The following GAK variants were observed in gnomAD, a reference collection of about 807,000 sequenced individuals.
The protein encoded by GAK is cyclin-G-associated kinase.
A neutral mutation model predicts 143.9 loss-of-function variants in GAK; 79 were observed. The observed-to-expected ratio is 0.55, with a 90% CI of 0.46 to 0.66. The LOEUF (loss-of-function observed/expected upper bound fraction) is 0.66. Among genes scored for constraint, GAK ranks in the 30% least tolerant of loss-of-function variants. GAK has a pLI of 0.00. For missense variants in GAK, 1,693 were observed against 1,779.7 expected (o/e 0.95, Z 0.88); for synonymous variants, 881 against 765.5 (o/e 1.15, Z -2.49).
chr4:928,351 C>G (rs1448573768), intron 1 of GAK, among the ~76,000 whole-genome samples: 1 of 152,230 alleles, frequency 6.6e-6, no homozygotes, highest in Non-Finnish European at 1.5e-5. Context: ...AGCCGTCGTG[C>G]CCGGCCCGGT....
chr4:932,239 C>T lies in GAK; in HGVS notation c.-52G>A, dbSNP rs372789649. The T allele has an allele frequency of 6.8e-7, 1 of 1,473,602 alleles. No homozygotes were observed. The highest frequency in any genetic ancestry group is 2.8e-5 in the East Asian group (1 of 35,918). The allele number at this position is 1,473,602 out of a possible 1,614,324, so 91.3% of individuals were successfully genotyped here. A position where few individuals can be genotyped will look rare whatever the true frequency, so the allele number is the denominator to read the frequency against. ...CAGCCGGAGTGGTCGGGCTCGGGCT[C>T]CCGCTCCCTCGCCGTCCGGGTCAGC... On this transcript the variant is annotated 5_prime_UTR_variant, in exon 1 of 28. Coordinates refer to ENST00000314167, the MANE Select transcript of GAK (RefSeq NM_005255.4). This position sits in a 1 kb window ranked among gnomAD's most constrained non-coding sequence, Gnocchi z 4.0.
intron 1 of GAK, among the ~76,000 whole-genome samples, chr4:921,964 T>A (rs1055105866): frequency 6.6e-6 from 1 of 152,112 alleles, no homozygotes; most frequent in Non-Finnish European, 1.5e-5. Flanking sequence ...CAAGGAGGTA[T>A]CGCTACACAT....
chr4:913,494 G>A, intron 2 of GAK, 113 bp downstream of exon 2: 4 of 832,138 alleles, frequency 4.8e-6, no homozygotes, highest in Middle Eastern at 2.2e-4. Context: ...AGTATGTCCA[G>A]GCTGTAAAAG....
intron 15 of GAK, among the ~76,000 whole-genome samples, 186 bp downstream of exon 15, chr4:881,721 C>T (rs1715143426): frequency 6.6e-6 from 1 of 152,276 alleles, no homozygotes; most frequent in South Asian, 2.1e-4. Flanking sequence ...CGGCTGAGGG[C>T]CCATCCTCCC....
At chr4:910,685 C>T (rs1489344152) in intron 4 of GAK, among the ~76,000 whole-genome samples, 1 of 152,124 alleles carries the variant, frequency 6.6e-6, no homozygotes, top group African/African-American at 2.4e-5. Context: ...AGGCTTCCTT[C>T]TGTGGGACTC....
chr4:895,590 C>G (rs1042963096), intron 7 of GAK, among the ~76,000 whole-genome samples: 2 of 152,268 alleles, frequency 1.3e-5, no homozygotes, highest in Non-Finnish European at 2.9e-5. Flanking sequence ...GATGGCACGG[C>G]TGACCCGGTC....
rs142572847 is a variant in GAK at position 850,370 on chromosome 4, G to A, written c.3658-302C>T. The A allele has an allele frequency of 7.5e-4, 245 of 327,960 alleles. 1 individual carries two copies. Among genetic ancestry groups the A allele is most frequent in the African/African-American group, 4.7e-3 (224 of 47,192 alleles). 20.3% of individuals were successfully genotyped at this position (327,960 alleles called of 1,614,324 possible). ...TGGTGCAACCCCTTGGCCCATCCCA[G>A]GCCCCAGACTCCGAGGGAGAAGGGG... On this transcript the variant is annotated intron_variant, in intron 26 of 27. Coordinates refer to ENST00000314167, the MANE Select transcript of GAK (RefSeq NM_005255.4).
At chr4:926,411 C>G (rs1724752047) in intron 1 of GAK, among the ~76,000 whole-genome samples, 2 of 152,180 alleles carry the variant, frequency 1.3e-5, no homozygotes, top group South Asian at 4.1e-4. Context: ...GACAGGGGCC[C>G]TAAGGACACC....
At position 866,599 on chromosome 4, in the gene GAK, C is replaced by G. The variant is rs533638742; in HGVS notation, c.2873-65G>C. 8.1e-5 allele frequency: 125 copies of G among 1,551,146 alleles called. No homozygotes were observed. The African/African-American group carries it at 1.6e-3, about 19-fold the overall frequency. On this transcript the variant is annotated intron_variant, in intron 21 of 27. Transcript: ENST00000314167. ...TGCCTGAAGACAAAGGAGCCCAGCT[C>G]TGGAGTCAGGCCTGCCCAAGAGGCC... is the stretch of plus-strand genomic sequence containing the variant.
chr4:879,780 T>C (rs547899363), intron 15 of GAK, among the ~76,000 whole-genome samples: 1 of 152,346 alleles, frequency 6.6e-6, no homozygotes, highest in Admixed American at 6.5e-5. Context: ...CTTCCCTTTC[T>C]GGGCTCCACG....
intron 18 of GAK, among the ~76,000 whole-genome samples, chr4:871,717 G>A (rs1712672140): frequency 6.6e-6 from 1 of 151,886 alleles, no homozygotes. Context: ...AGGGGCAGGG[G>A]TCAGCAGGGC....
At position 881,936 on chromosome 4, in the gene GAK, G is replaced by A. The variant is rs774353903; in HGVS notation, c.1632C>T (p.Cys544=). The A allele has an allele frequency of 6.3e-7, 1 of 1,593,482 alleles. No homozygotes were observed. Among genetic ancestry groups the A allele is most frequent in the South Asian group, 1.1e-5 (1 of 88,106 alleles). Reference sequence around the variant, plus strand: ...TGTGGGATGGCCAGATGCCTGGTGGGCAGCGCTTCATGCTGAACATGTACA... The same window carrying A: ...TGTGGGATGGCCAGATGCCTGGTGGACAGCGCTTCATGCTGAACATGTACA... ...AAVYMFSMKR[C]PPGIWPSHKR... Residue 544 remains cysteine, a synonymous_variant, in exon 15 of 28, where the codon TGC becomes TGT. Coordinates refer to ENST00000314167, the MANE Select transcript of GAK (RefSeq NM_005255.4).
chr4:871,712 C>G (rs1712670658), intron 18 of GAK, among the ~76,000 whole-genome samples: 1 of 151,728 alleles, frequency 6.6e-6, no homozygotes, highest in Non-Finnish European at 1.5e-5. Flanking sequence ...GGAGCAGGGG[C>G]AGGGGTCAGC....
chr4:919,023 G>C (rs13136259), intron 1 of GAK, among the ~76,000 whole-genome samples: 4 of 38,298 alleles, frequency 1.0e-4, no homozygotes, highest in Non-Finnish European at 1.5e-4. Context: ...CCTCAGTGCC[G>C]CATGACCTTA....
intron 4 of GAK, 85 bp from the exon 5 acceptor site, chr4:904,864 G>A (rs1051129324): frequency 4.5e-6 from 6 of 1,334,430 alleles, no homozygotes; most frequent in Non-Finnish European, 6.2e-6. Flanking sequence ...GGACTTCCCA[G>A]AACTAAATGG....
chr4:904,511 G>T, intron 5 of GAK, 126 bp downstream of exon 5: 1 of 772,644 alleles, frequency 1.3e-6, no homozygotes, highest in Non-Finnish European at 2.0e-6. Flanking sequence ...TCCTAACCGA[G>T]CGGGACCCGC....
At chr4:924,926 T>C (rs548195526) in intron 1 of GAK, among the ~76,000 whole-genome samples, 61 of 151,464 alleles carry the variant, frequency 4.0e-4, no homozygotes, top group African/African-American at 1.4e-3. Flanking sequence ...CTCAGGATAG[T>C]GAGTGCTCTC....
chr4:862,999 G>A (rs12651368), intron 23 of GAK, among the ~76,000 whole-genome samples: 12,954 of 152,214 alleles, frequency 0.085, 774 homozygotes, highest in South Asian at 0.18. Context: ...AGGCTATAGC[G>A]GCCAGATTCC....
At chr4:875,573 C>G (rs1184133426) in intron 18 of GAK, among the ~76,000 whole-genome samples, 1 of 152,246 alleles carries the variant, frequency 6.6e-6, no homozygotes. Context: ...ACAGCAGGCC[C>G]TGCAGCCACA....
Sources: gnomAD v4.1 joint callset for allele counts (sites outside exome capture counted in the v4.1 genomes callset) on GRCh38, gnomAD v4.1.1 for gene constraint, Gnocchi (gnomAD v3.1) non-coding constraint, MANE v1.5 for transcripts, NCBI Gene and HGNC (gene_info 2026-07-23, HGNC 2026-07-21) for gene names.